Variants in MARK1 observed in about 807,000 individuals in gnomAD.
MARK1 encodes serine/threonine-protein kinase MARK1.
A neutral mutation model predicts 96.3 loss-of-function variants in MARK1; 40 were observed. The observed-to-expected ratio is 0.42, with a 90% CI of 0.32 to 0.54. MARK1 has a LOEUF of 0.54. MARK1 is among the 20% of genes least tolerant of loss of function. MARK1 has a pLI of 0.16. For missense variants in MARK1, 719 were observed against 984.6 expected, an observed-to-expected ratio of 0.73 and a Z score of 3.61; for synonymous variants, 317 against 341.2, an observed-to-expected ratio of 0.93 and a Z score of 0.78.
chr1:220,603,185 T>C (rs998432444), intron 5 of MARK1, among the ~76,000 whole-genome samples: 2 of 152,014 alleles, frequency 1.3e-5, no homozygotes, highest in South Asian at 2.1e-4. Context: ...GTACAAATTA[T>C]AAGGACACAA....
chr1:220,596,373 C>T (rs1460986340), intron 3 of MARK1, among the ~76,000 whole-genome samples: 1 of 152,186 alleles, frequency 6.6e-6, no homozygotes, highest in Non-Finnish European at 1.5e-5. Flanking sequence ...AACCCGTATG[C>T]TCTTTGTCCC....
intron 9 of MARK1, among the ~76,000 whole-genome samples, chr1:220,630,585 C>T (rs150894614): frequency 0.014 from 2,189 of 152,146 alleles, 28 homozygotes; most frequent in Middle Eastern, 0.044. Flanking sequence ...GCTTTACTGC[C>T]AACCCTGATT....
chr1:220,541,980 T>A (rs911579699), intron 1 of MARK1, among the ~76,000 whole-genome samples: 1 of 152,230 alleles, frequency 6.6e-6, no homozygotes, highest in African/African-American at 2.4e-5. Flanking sequence ...GCTGTATTCC[T>A]ATGTGTTTCA....
chr1:220,593,351 C>T (rs145024161), intron 3 of MARK1, among the ~76,000 whole-genome samples: 2,355 of 151,932 alleles, frequency 0.016, 34 homozygotes, highest in Middle Eastern at 0.044. Flanking sequence ...ACTCAGTGCT[C>T]ATAAAATGAT....
At chr1:220,634,848 A>G (rs1332155228) in intron 11 of MARK1, among the ~76,000 whole-genome samples, 1 of 151,944 alleles carries the variant, frequency 6.6e-6, no homozygotes, top group Non-Finnish European at 1.5e-5. Context: ...TTTTTTTGCA[A>G]ATGTGGAGAA....
Position 220,662,351 on chromosome 1 carries a change from T to C in MARK1, c.*185T>C. ...AAGTCAGTATGAACTATAATAAATA[T>C]CTGTAGCTTAAAAAGTAGGTTCACA... On this transcript the variant is annotated 3_prime_UTR_variant, in exon 18 of 18. Transcript: ENST00000366917. 1 of 559,694 alleles carries C rather than the reference T, an allele frequency of 1.8e-6. No individual in the cohort carries two copies. Among genetic ancestry groups the C allele is most frequent in the Non-Finnish European group, 3.2e-6 (1 of 315,858 alleles). The allele number at this position is 559,694 out of a possible 1,614,324, so 34.7% of individuals were successfully genotyped here.
At chr1:220,647,990 T>C (rs2103045083) in intron 13 of MARK1, among the ~76,000 whole-genome samples, 2 of 151,562 alleles carry the variant, frequency 1.3e-5, no homozygotes, top group Middle Eastern at 6.8e-3. Flanking sequence ...CAAACCACCA[T>C]GGCACACATT....
intron 5 of MARK1, among the ~76,000 whole-genome samples, chr1:220,601,008 C>T (rs1263635254): frequency 6.6e-6 from 1 of 151,906 alleles, no homozygotes; most frequent in African/African-American, 2.4e-5. Context: ...AGCTTCGCCT[C>T]CCAGGTTCAC....
chr1:220,610,268 A>G (rs1666363022), intron 6 of MARK1, among the ~76,000 whole-genome samples: 1 of 151,970 alleles, frequency 6.6e-6, no homozygotes, highest in South Asian at 2.1e-4. Flanking sequence ...TTTTTTCTCT[A>G]ACCTTATCTT....
In MARK1 at chr1:220,579,713, C is replaced by T. The variant is rs942238401; in HGVS notation, c.255+156C>T. Among the ~76,000 whole-genome samples the T allele has an allele frequency of 1.6e-4, 24 of 152,298 alleles. No homozygotes were observed. In the East Asian group the frequency reaches 3.9e-3, roughly 24 times the overall value. ...AACATTAGTAGGCAGAGGTTTATCACGGCATAAAAGTTGACCTTTTAATAT... is the reference window on the plus strand; with the variant it reads ...AACATTAGTAGGCAGAGGTTTATCATGGCATAAAAGTTGACCTTTTAATAT... On this transcript the variant is annotated intron_variant, in intron 2 of 17. Transcript: ENST00000366917.
At chr1:220,652,204 C>A in intron 15 of MARK1, 54 bp downstream of exon 15, 2 of 1,414,700 alleles carry the variant, frequency 1.4e-6, no homozygotes, top group Non-Finnish European at 1.9e-6. Flanking sequence ...AAAAATATAG[C>A]ACCATGTGAA....
chr1:220,593,629 C>T lies in MARK1; in HGVS notation c.310-4702C>T, dbSNP rs1331091124. Reference sequence around the variant, plus strand: ...TACTGTCAGCCTGGGAGTCTCTGGGCAGTGGTCACCTGATGAGGTGCCCCC... The same window carrying T: ...TACTGTCAGCCTGGGAGTCTCTGGGTAGTGGTCACCTGATGAGGTGCCCCC... On this transcript the variant is annotated intron_variant, in intron 3 of 17. Coordinates refer to ENST00000366917, the MANE Select transcript of MARK1 (RefSeq NM_018650.5). 4.6e-5 allele frequency among the ~76,000 whole-genome samples: 7 copies of T among 152,116 alleles called. No homozygotes were observed. In the South Asian group the frequency reaches 1.2e-3, roughly 27 times the overall value.
rs17008083 is a variant in MARK1, at chr1:220,618,139, T to C, written c.553-171T>C. Among the ~76,000 whole-genome samples the C allele has an allele frequency of 0.042, 6,426 of 152,288 alleles. 433 individuals carry two copies. The highest frequency in any genetic ancestry group is 0.15 in the African/African-American group (6,060 of 41,532). ...GTGTTAAAATTTAGTCTTATGTAGA[T>C]GTAATTCAGAACAGTTATGCATTGA... On this transcript the variant is annotated intron_variant, in intron 7 of 17. Coordinates refer to ENST00000366917, the MANE Select transcript of MARK1 (RefSeq NM_018650.5). This position sits in a 1 kb window ranked among gnomAD's most constrained non-coding sequence, Gnocchi z 4.6.
chr1:220,557,984 G>A (rs925521622), intron 1 of MARK1, among the ~76,000 whole-genome samples: 4 of 151,822 alleles, frequency 2.6e-5, no homozygotes, highest in Non-Finnish European at 4.4e-5. Flanking sequence ...CAAAAAAATA[G>A]CTGGGCATGC....
In MARK1 at chr1:220,624,494, A is replaced by G. The variant is rs1443318542; in HGVS notation, c.909+5739A>G. Reference sequence around the variant, plus strand: ...ATGCCTGTAATCCCAGCTACTCCAGAGGCTGAGGCAGGAGAATCGCTTGAA... The same window carrying G: ...ATGCCTGTAATCCCAGCTACTCCAGGGGCTGAGGCAGGAGAATCGCTTGAA... On this transcript the variant is annotated intron_variant, in intron 9 of 17. Coordinates refer to ENST00000366917, the MANE Select transcript of MARK1 (RefSeq NM_018650.5). 2.0e-5 allele frequency among the ~76,000 whole-genome samples: 3 copies of G among 150,168 alleles called. No homozygotes were observed. In the East Asian group the frequency reaches 6.0e-4, roughly 30 times the overall value.
rs551429626 is a variant in MARK1 at position 220,617,037 on chromosome 1, C to G, written c.552+1042C>G. Among the ~76,000 whole-genome samples the G allele has an allele frequency of 2.4e-4, 36 of 152,274 alleles. No individual in the cohort carries two copies. In the South Asian group the frequency reaches 7.3e-3, roughly 31 times the overall value. The stretch of plus-strand genomic sequence containing the variant: ...CAGCTTGGATACTTTGATATCCATC[C>G]AGACATTTTTAGAGAGACTGAAAAA... On this transcript the variant is annotated intron_variant, in intron 7 of 17. Transcript: ENST00000366917.
chr1:220,560,662 A>G (rs1016847010), intron 1 of MARK1, among the ~76,000 whole-genome samples: 1 of 152,218 alleles, frequency 6.6e-6, no homozygotes, highest in African/African-American at 2.4e-5. Flanking sequence ...CAAAGGCATG[A>G]TTCAGGTCCT....
At chr1:220,610,720 C>A (rs769332808) in intron 6 of MARK1, among the ~76,000 whole-genome samples, 1 of 151,954 alleles carries the variant, frequency 6.6e-6, no homozygotes, top group Non-Finnish European at 1.5e-5. Flanking sequence ...TGTTGGTGAC[C>A]TACAGATGGG....
In MARK1 at chr1:220,631,132, T is replaced by C. The variant is rs769366441; in HGVS notation, c.1007T>C (p.Ile336Thr). 2 of 1,606,320 alleles carry C rather than the reference T, an allele frequency of 1.2e-6. No homozygotes were observed. Among genetic ancestry groups the C allele is most frequent in the South Asian group, 2.2e-5 (2 of 90,854 alleles). ...CCGGATTTCAATGACACAAAAAGAA[T>C]AGGTAAGTATTTAAACATGGTAAGA... ...PDPDFNDTKR[I>T]DIMVTMGFAR... Residue 336 changes from isoleucine (I) to threonine (T), a missense_variant and splice_region_variant, in exon 10 of 18, where the codon ATA becomes ACA. Around this residue, in one of 4 missense-constraint regions of MARK1, gnomAD observed 501 missense variants for 588.3 expected, o/e 0.85. Coordinates refer to ENST00000366917, the MANE Select transcript of MARK1 (RefSeq NM_018650.5).
Sources: gnomAD v4.1 joint callset for allele counts (sites outside exome capture counted in the v4.1 genomes callset) on GRCh38, gnomAD v4.1.1 for gene constraint, gnomAD v4.1.1 regional missense constraint, Gnocchi (gnomAD v3.1) non-coding constraint, MANE v1.5 for transcripts, NCBI Gene and HGNC (gene_info 2026-07-23, HGNC 2026-07-21) for gene names.